Variants in MELTF observed in about 807,000 individuals in gnomAD.
The protein encoded by MELTF is melanotransferrin.
A neutral mutation model predicts 83.7 loss-of-function variants in MELTF; 67 were observed. The observed-to-expected ratio is 0.80, with a 90% confidence interval of 0.66 to 0.98. The LOEUF is 0.98. Ranked by LOEUF, MELTF falls within the 50% of genes least tolerant of loss-of-function variation. The pLI is 0.00. For synonymous variants in MELTF, 462 were observed against 447.6 expected (o/e 1.03, Z -0.41); for missense variants, 1,002 against 1,035.6 (o/e 0.97, Z 0.44).
At chr3:197,027,537 G>C (rs1577950262) in intron 2 of MELTF, among the ~76,000 whole-genome samples, 1 of 152,362 alleles carries the variant, frequency 6.6e-6, no homozygotes, top group South Asian at 2.1e-4. Context: ...GCCTTTCTTT[G>C]CTGGCGCCCT....
At chr3:197,004,346 G>T in intron 14 of MELTF, 1 of 542,134 alleles carries the variant, frequency 1.8e-6, no homozygotes, top group Non-Finnish European at 3.3e-6. Flanking sequence ...CGGTGCTCCA[G>T]CTCCTGGATG....
Position 197,015,439 on chromosome 3 carries a change from G to A in MELTF, c.1159C>T (p.Arg387Cys), listed in dbSNP as rs375842190. ...ATCTCTGGCTTGAGCCGCTGCCGGC[G>A]GAAGGCCACGGCCATGTCTCCACAC... is the stretch of plus-strand genomic sequence containing the variant. ...QKCGDMAVAFRRQRLKPEIQC... is the reference protein window; with the variant it reads ...QKCGDMAVAFCRQRLKPEIQC... The change falls in exon 9 of 16, where the codon CGC becomes TGC. Residue 387 changes from arginine to cysteine, a missense_variant. Arg to Cys is a radical substitution (Grantham distance 180). Coordinates refer to ENST00000296350, the MANE Select transcript of MELTF (RefSeq NM_005929.6). The A allele has an allele frequency of 1.7e-5, 27 of 1,605,190 alleles. No individual in the cohort carries two copies. The African/African-American group carries it at 2.5e-4, about 15-fold the overall frequency.
In MELTF at chr3:197,002,367, C is replaced by T. The variant is rs1471909567; in HGVS notation, c.*1005G>A. 1 of 152,314 alleles carries T rather than the reference C, an allele frequency of 6.6e-6. No homozygotes were observed. Among genetic ancestry groups the T allele is most frequent in the Non-Finnish European group, 1.5e-5 (1 of 68,100 alleles). The allele number at this position is 152,314 out of a possible 1,614,324, so 9.4% of individuals were successfully genotyped here. On this transcript the variant is annotated 3_prime_UTR_variant, in exon 16 of 16. Transcript: ENST00000296350. ...GTTCTGGAAACTTTTTCTGGCTTCT[C>T]AGACAACTGTGGCAAGATGGAGTAG... is the stretch of plus-strand genomic sequence containing the variant.
chr3:197,003,675 G>A lies in MELTF; in HGVS notation c.2138-224C>T, dbSNP rs1019504313. The stretch of plus-strand genomic sequence containing the variant: ...CAGATCCTCCCCGCGCCGCCGTTTT[G>A]AGCGTTCACACTCATTACCCAGGTC... On this transcript the variant is annotated intron_variant, in intron 15 of 15. Coordinates refer to ENST00000296350, the MANE Select transcript of MELTF (RefSeq NM_005929.6). This position sits in a 1 kb window ranked among gnomAD's most constrained non-coding sequence, Gnocchi z 6.2. 15 of 662,610 alleles carry A rather than the reference G, an allele frequency of 2.3e-5. No homozygotes were observed. In the Middle Eastern group the frequency reaches 1.2e-3, roughly 55 times the overall value. The allele number at this position is 662,610 out of a possible 1,614,324, so 41.0% of individuals were successfully genotyped here. A position where few individuals can be genotyped will look rare whatever the true frequency, so the allele number is the denominator to read the frequency against.
chr3:197,017,673 CAA>C (rs1012228746), intron 6 of MELTF, among the ~76,000 whole-genome samples: 1 of 151,968 alleles, frequency 6.6e-6, no homozygotes, highest in Non-Finnish European at 1.5e-5. Context: ...GTCAGGAGAT[CAA>C]GACCATCCTG....
Position 197,006,171 on chromosome 3 carries a change from A to G in MELTF, c.1938+378T>C, listed in dbSNP as rs1718968678. ...GGGAGGCGGAGCTTGCAGTGAGCCG[A>G]GATAGTGCCACTGCACTCCAGCCTG... On this transcript the variant is annotated intron_variant, in intron 14 of 15. Coordinates refer to ENST00000296350, the MANE Select transcript of MELTF (RefSeq NM_005929.6). This position sits in a 1 kb window ranked among gnomAD's most constrained non-coding sequence, Gnocchi z 5.4. Among the ~76,000 whole-genome samples the G allele has an allele frequency of 6.6e-6, 1 of 151,956 alleles. No homozygotes were observed. The highest frequency in any genetic ancestry group is 1.5e-5 in the Non-Finnish European group (1 of 67,990).
intron 6 of MELTF, among the ~76,000 whole-genome samples, chr3:197,018,240 C>T (rs931000680): frequency 4.6e-5 from 7 of 151,978 alleles, no homozygotes; most frequent in East Asian, 1.9e-4. Context: ...CTCCACCTTC[C>T]GGGTTCACGC....
In MELTF at chr3:197,026,716, TA is replaced by T; in HGVS notation, c.247del (p.Tyr83MetfsTer9). 6.2e-7 allele frequency: 1 copy of T among 1,613,448 alleles called. No individual in the cohort carries two copies. The highest frequency in any genetic ancestry group is 1.1e-5 in the South Asian group (1 of 91,092). ...DAITLDGGAIYEAGKEHGLKP... is the reference protein window; with the variant it reads ...DAITLDGGAIXEAGKEHGLKP... The stretch of plus-strand genomic sequence containing the variant: ...CAGGCCGTGCTCCTTTCCCGCCTCA[TA>T]GATGGCTCCTCCATCCAGAGTGATG... On this transcript the variant is annotated frameshift_variant, in exon 3 of 16. Coordinates refer to ENST00000296350, the MANE Select transcript of MELTF (RefSeq NM_005929.6). LOFTEE classifies it high-confidence loss of function.
intron 9 of MELTF, among the ~76,000 whole-genome samples, chr3:197,014,880 A>G (rs1279216702): frequency 6.6e-6 from 1 of 152,250 alleles, no homozygotes; most frequent in Non-Finnish European, 1.5e-5. Flanking sequence ...GTATCAAAAC[A>G]TCAGTATGTA....
At chr3:197,028,204 C>G in intron 1 of MELTF, 1 of 368,736 alleles carries the variant, frequency 2.7e-6, no homozygotes, top group South Asian at 6.0e-5. Flanking sequence ...GCTACCCCCA[C>G]CTGGTGGGAG....
chr3:197,012,116 G>T (rs114352605), intron 9 of MELTF, among the ~76,000 whole-genome samples: 2 of 152,166 alleles, frequency 1.3e-5, no homozygotes. Context: ...GGCTTCTATC[G>T]GGCCTGCGGA....
At chr3:197,012,084 C>T (rs1262773012) in intron 9 of MELTF, among the ~76,000 whole-genome samples, 5 of 152,234 alleles carry the variant, frequency 3.3e-5, no homozygotes, top group East Asian at 3.9e-4. Context: ...CACACAGTCG[C>T]GCTCAGCTCT....
At chr3:197,023,474 T>C (rs1157381618) in intron 4 of MELTF, among the ~76,000 whole-genome samples, 3 of 152,220 alleles carry the variant, frequency 2.0e-5, no homozygotes, top group African/African-American at 4.8e-5. Context: ...TAAAGAATTA[T>C]TGAAGATCAC....
chr3:197,028,414 G>A (rs1420124967), intron 1 of MELTF: 7 of 156,010 alleles, frequency 4.5e-5, no homozygotes. Flanking sequence ...GAGTGTCTGC[G>A]ATGATGCTGG....
At chr3:197,009,036 T>G in intron 11 of MELTF, 71 bp from the exon 12 acceptor site, 1 of 1,574,696 alleles carries the variant, frequency 6.4e-7, no homozygotes, top group Non-Finnish European at 8.7e-7. Context: ...GGCGGGCCGC[T>G]CCCCCACAGG....
At chr3:197,023,537 G>A (rs576367236) in intron 4 of MELTF, among the ~76,000 whole-genome samples, 5 of 152,314 alleles carry the variant, frequency 3.3e-5, no homozygotes, top group South Asian at 2.1e-4. Context: ...CACGCCCGGC[G>A]GCCAGCCTCA....
intron 1 of MELTF, 147 bp from the exon 2 acceptor site, chr3:197,028,057 T>A (rs892916766): frequency 1.3e-5 from 11 of 877,762 alleles, no homozygotes; most frequent in African/African-American, 1.0e-4. Flanking sequence ...AGGGAGGCAC[T>A]AGGCGCAGAG....
At chr3:197,020,078 T>G (rs940797912) in intron 6 of MELTF, among the ~76,000 whole-genome samples, 1 of 152,186 alleles carries the variant, frequency 6.6e-6, no homozygotes, top group Non-Finnish European at 1.5e-5. Context: ...TTTTGCTGCA[T>G]GTAAATTATA....
chr3:197,004,410 G>A (rs1718903371), intron 14 of MELTF: 21 of 432,826 alleles, frequency 4.9e-5, no homozygotes, highest in South Asian at 3.8e-4. Flanking sequence ...GAGGGATGGT[G>A]TGGGTGGGAT....
Sources: gnomAD v4.1 joint callset for allele counts (sites outside exome capture counted in the v4.1 genomes callset) on GRCh38, gnomAD v4.1.1 for gene constraint, Gnocchi (gnomAD v3.1) non-coding constraint, MANE v1.5 for transcripts, NCBI Gene and HGNC (gene_info 2026-07-23, HGNC 2026-07-21) for gene names.